PCDH15: variants seen among roughly 807,000 people sequenced by gnomAD.
PCDH15 encodes protocadherin related 15.
A neutral mutation model predicts 178.5 loss-of-function variants in PCDH15; 129 were observed. The observed-to-expected ratio is 0.72, with a 90% CI of 0.63 to 0.84. The LOEUF (loss-of-function observed/expected upper bound fraction) is 0.84, where lower values mean the gene tolerates loss of function less well. Among genes scored for constraint, PCDH15 ranks in the 40% least tolerant of loss-of-function variants. The pLI, the probability that PCDH15 is intolerant of heterozygous loss-of-function variation, is 0.00. For missense variants in PCDH15, 2,230 were observed against 2,099.9 expected (o/e 1.06, Z -1.21); for synonymous variants, 800 against 732.0 (o/e 1.09, Z -1.50).
intron 26 of PCDH15, among the ~76,000 whole-genome samples, chr10:53,872,337 T>C (rs1160730141): frequency 6.6e-6 from 1 of 152,180 alleles, no homozygotes; most frequent in African/African-American, 2.4e-5. Flanking sequence ...AAAGAAACAC[T>C]CCATATTTAA....
chr10:55,005,250 T>C (rs1221851134), intron 2 of PCDH15, among the ~76,000 whole-genome samples: 2 of 117,784 alleles, frequency 1.7e-5, no homozygotes, highest in African/African-American at 7.7e-5. Flanking sequence ...CTTGGTAGAA[T>C]TGTATTTTTA....
intron 2 of PCDH15, among the ~76,000 whole-genome samples, chr10:54,642,712 T>A (rs2094020278): frequency 6.6e-6 from 1 of 152,210 alleles, no homozygotes; most frequent in African/African-American, 2.4e-5. Context: ...TTACAGTTTA[T>A]TTTACATTGT....
intron 2 of PCDH15, among the ~76,000 whole-genome samples, chr10:55,597,782 A>G (rs949302416): frequency 8.5e-5 from 13 of 152,140 alleles, no homozygotes; most frequent in Non-Finnish European, 1.6e-4. Flanking sequence ...ACATCCCCCT[A>G]GTATTTCAAA....
At chr10:54,048,976 T>A (rs2093711234) in intron 18 of PCDH15, among the ~76,000 whole-genome samples, 1 of 152,128 alleles carries the variant, frequency 6.6e-6, no homozygotes, top group South Asian at 2.1e-4. Flanking sequence ...GTCATTTTAA[T>A]GATATTAACT....
rs2091800267 is a variant in PCDH15 at position 53,995,676 on chromosome 10, T to C, written c.2841A>G (p.Thr947=). Residue 947 remains threonine, a synonymous_variant, in exon 21 of 38, where the codon ACA becomes ACG. Coordinates refer to ENST00000644397, the MANE Select transcript of PCDH15 (RefSeq NM_001384140.1). ...GAGGGTCTGCATCTTCAGCATAAACTGTTGTGATAGGTGTACCCTTGACTG... is the reference window on the plus strand; with the variant it reads ...GAGGGTCTGCATCTTCAGCATAAACCGTTGTGATAGGTGTACCCTTGACTG... ...PDAVKGTPIT[T]VYAEDADPPG... The C allele has an allele frequency of 3.1e-6, 5 of 1,614,000 alleles. No homozygotes were observed. Among genetic ancestry groups the C allele is most frequent in the Admixed American group, 1.7e-5 (1 of 60,020 alleles).
At chr10:55,337,086 A>G (rs1844416763) in intron 2 of PCDH15, among the ~76,000 whole-genome samples, 1 of 152,216 alleles carries the variant, frequency 6.6e-6, no homozygotes, top group Non-Finnish European at 1.5e-5. Flanking sequence ...AGGATCTCAG[A>G]AAGTATAAGG....
At chr10:55,343,656 G>T (rs1159490880) in intron 2 of PCDH15, among the ~76,000 whole-genome samples, 5 of 151,840 alleles carry the variant, frequency 3.3e-5, no homozygotes, top group Admixed American at 6.6e-5. Flanking sequence ...AAGGTCTTGG[G>T]TCACTAAATA....
chr10:54,851,901 T>C (rs1447559546), intron 3 of PCDH15, among the ~76,000 whole-genome samples: 1 of 152,100 alleles, frequency 6.6e-6, no homozygotes, highest in Non-Finnish European at 1.5e-5. Context: ...CAAATTTTGG[T>C]AATAAAAATA....
intron 15 of PCDH15, among the ~76,000 whole-genome samples, chr10:54,130,239 T>A (rs527720100): frequency 6.6e-6 from 1 of 152,118 alleles, no homozygotes; most frequent in Admixed American, 6.6e-5. Context: ...AAAAAAACTT[T>A]GAAGTGAAAG....
At chr10:55,218,575 T>C (rs2132180505) in intron 1 of PCDH15, among the ~76,000 whole-genome samples, 1 of 152,192 alleles carries the variant, frequency 6.6e-6, no homozygotes, top group South Asian at 2.1e-4. Flanking sequence ...GTGGAGCACT[T>C]GATCTACAGT....
rs1554819767 is a variant in PCDH15, at chr10:53,822,211, CTG to C, written c.4368-1983_4368-1982del. On this transcript the variant is annotated intron_variant, in intron 32 of 37. Transcript: ENST00000644397. Reference sequence around the variant, plus strand: ...TTAACACCTGTTATACAGACACACTCTGTGGACAGAAATGAAGCTGAAGGAGG... The same window carrying C: ...TTAACACCTGTTATACAGACACACTCTGGACAGAAATGAAGCTGAAGGAGG... 6.2e-7 allele frequency: 1 copy of C among 1,613,918 alleles called. No homozygotes were observed.
intron 1 of PCDH15, among the ~76,000 whole-genome samples, chr10:54,731,561 T>TACACAC (rs1259614508): frequency 9.1e-4 from 44 of 48,358 alleles, no homozygotes; most frequent in South Asian, 1.7e-3. Context: ...TATATATATA[T>TACACAC]ATACACACAC....
At chr10:54,138,913 T>G (rs537397584) in intron 14 of PCDH15, among the ~76,000 whole-genome samples, 6 of 152,274 alleles carry the variant, frequency 3.9e-5, no homozygotes, top group East Asian at 1.9e-4. Flanking sequence ...CGTTTTTTTT[T>G]GTCTACCAAA....
chr10:55,535,598 A>T (rs1841559411), intron 2 of PCDH15, among the ~76,000 whole-genome samples: 1 of 152,032 alleles, frequency 6.6e-6, no homozygotes, highest in Admixed American at 6.6e-5. Flanking sequence ...TCTGGAAAGA[A>T]ATATACAAGT....
intron 14 of PCDH15, among the ~76,000 whole-genome samples, chr10:54,146,336 G>A (rs556070333): frequency 1.3e-5 from 2 of 151,960 alleles, no homozygotes; most frequent in Non-Finnish European, 2.9e-5. Context: ...TAAAACGTAT[G>A]TTAGCCCATG....
chr10:55,444,711 G>A (rs932666700), intron 2 of PCDH15, among the ~76,000 whole-genome samples: 5 of 152,054 alleles, frequency 3.3e-5, no homozygotes, highest in Admixed American at 2.6e-4. Context: ...CTGTAGTAAC[G>A]AAAGTGAAAG....
At chr10:55,572,194 G>C (rs868493317) in intron 2 of PCDH15, among the ~76,000 whole-genome samples, 7 of 151,576 alleles carry the variant, frequency 4.6e-5, no homozygotes, top group African/African-American at 1.7e-4. Flanking sequence ...GAAGTTTTCT[G>C]GTTTCTTTTT....
intron 2 of PCDH15, among the ~76,000 whole-genome samples, chr10:55,064,228 A>T (rs999744085): frequency 1.1e-4 from 16 of 152,162 alleles, no homozygotes; most frequent in Admixed American, 6.5e-5. Flanking sequence ...ATTATCTAGG[A>T]GTTACTGCTA....
At chr10:54,935,983 T>C (rs1260474229) in intron 2 of PCDH15, among the ~76,000 whole-genome samples, 1 of 152,052 alleles carries the variant, frequency 6.6e-6, no homozygotes, top group Non-Finnish European at 1.5e-5. Context: ...TGCAATAAAT[T>C]CTCATAACAT....
Sources: allele counts gnomAD v4.1 joint callset (sites outside exome capture counted in the v4.1 genomes callset), GRCh38; gene constraint gnomAD v4.1.1; transcripts MANE v1.5; gene names NCBI Gene and HGNC (gene_info 2026-07-23, HGNC 2026-07-21).